Variants in PTPRD observed in about 807,000 individuals in gnomAD.
PTPRD encodes the protein protein tyrosine phosphatase receptor type D.
PTPRD carries 34 observed loss-of-function variants against 214.5 expected under a neutral mutation model. The ratio of observed to expected loss-of-function variants is 0.16; its 90% CI spans 0.12 to 0.21. PTPRD has a LOEUF of 0.21. Ranked by LOEUF, PTPRD falls within the 10% of genes least tolerant of loss-of-function variation. PTPRD has a pLI of 1.00. For synonymous variants in PTPRD, 1,128 were observed against 845.7 expected (o/e 1.33, Z -5.79); for missense variants, 2,545 against 2,398.7 (o/e 1.06, Z -1.27).
chr9:10,224,677 G>C (rs2099582962), intron 3 of PTPRD, among the ~76,000 whole-genome samples: 1 of 151,838 alleles, frequency 6.6e-6, no homozygotes. Context: ...AACATCATGA[G>C]TTTGAAATGC....
chr9:8,807,186 A>C (rs1362968731), intron 11 of PTPRD, among the ~76,000 whole-genome samples: 2 of 152,038 alleles, frequency 1.3e-5, no homozygotes, highest in Non-Finnish European at 2.9e-5. Context: ...AAATACAAAA[A>C]ATTAGCCAGG....
chr9:9,311,634 C>A (rs1959040369), intron 9 of PTPRD, among the ~76,000 whole-genome samples: 2 of 152,070 alleles, frequency 1.3e-5, no homozygotes, highest in South Asian at 4.1e-4. Flanking sequence ...TAAACCTACC[C>A]CATAATTAGC....
At chr9:10,224,965 T>A (rs2099584116) in intron 3 of PTPRD, among the ~76,000 whole-genome samples, 1 of 152,048 alleles carries the variant, frequency 6.6e-6, no homozygotes, top group Admixed American at 6.6e-5. Flanking sequence ...ACTGTTTATG[T>A]TATCAGTAAG....
intron 10 of PTPRD, among the ~76,000 whole-genome samples, chr9:9,171,738 A>G (rs1428199260): frequency 6.6e-6 from 1 of 152,042 alleles, no homozygotes; most frequent in Non-Finnish European, 1.5e-5. Flanking sequence ...ATTATTTTAT[A>G]TATATATGAA....
chr9:10,055,182 G>A (rs530467297), intron 3 of PTPRD, among the ~76,000 whole-genome samples: 14 of 151,868 alleles, frequency 9.2e-5, no homozygotes, highest in Non-Finnish European at 1.2e-4. Context: ...TATTGTTTAC[G>A]CCACCTAGTA....
intron 4 of PTPRD, among the ~76,000 whole-genome samples, chr9:9,950,388 AT>A (rs1349005386): frequency 1.3e-5 from 2 of 152,128 alleles, no homozygotes; most frequent in Non-Finnish European, 2.9e-5. Flanking sequence ...ACTTTTCTTT[AT>A]TTGGACCAAC....
At chr9:8,454,611 CA>C (rs769817040) in intron 33 of PTPRD, 4 of 1,610,464 alleles carry the variant, frequency 2.5e-6, no homozygotes, top group South Asian at 1.1e-5. Flanking sequence ...TTTAATGCAG[CA>C]AAAAAAGGAA....
chr9:9,009,059 A>C (rs2099496143), intron 11 of PTPRD, among the ~76,000 whole-genome samples: 2 of 152,182 alleles, frequency 1.3e-5, no homozygotes, highest in African/African-American at 2.4e-5. Context: ...AACAAAACCC[A>C]TATAATCAGG....
chr9:8,545,005 T>G (rs546812617), intron 14 of PTPRD, among the ~76,000 whole-genome samples: 1 of 151,948 alleles, frequency 6.6e-6, no homozygotes, highest in Admixed American at 6.6e-5. Flanking sequence ...AACAAAACTT[T>G]CTGGGATATT....
chr9:8,500,558 GA>G (rs146807692), intron 24 of PTPRD, among the ~76,000 whole-genome samples, 195 bp downstream of exon 24: 23 of 14,310 alleles, frequency 1.6e-3, no homozygotes, highest in East Asian at 4.6e-3. Flanking sequence ...TGAAAAAAAT[GA>G]AAAAAAAAAA....
intron 3 of PTPRD, among the ~76,000 whole-genome samples, chr9:10,142,146 T>C (rs2098990246): frequency 6.6e-6 from 1 of 151,878 alleles, no homozygotes; most frequent in African/African-American, 2.4e-5. Flanking sequence ...AAGACTTGAA[T>C]GTTAGACCTA....
intron 4 of PTPRD, among the ~76,000 whole-genome samples, chr9:9,981,864 T>G (rs2095554745): frequency 6.6e-6 from 1 of 152,216 alleles, no homozygotes; most frequent in African/African-American, 2.4e-5. Context: ...AATATCTGTC[T>G]CTTTCTTTTA....
rs1010894670 is a variant in PTPRD, at chr9:10,486,887, T to G, written c.-600+125511A>C. ...TTTTCTTTCTAGAAGATCTGTCCCA[T>G]GTTGAATATGTGGTGTTGAAATCTC... On this transcript the variant is annotated intron_variant, in intron 2 of 45. Transcript: ENST00000381196. Among the ~76,000 whole-genome samples, 21 of 152,326 alleles carry G rather than the reference T, an allele frequency of 1.4e-4. No individual in the cohort carries two copies. In the South Asian group the frequency reaches 3.9e-3, roughly 29 times the overall value.
intron 8 of PTPRD, among the ~76,000 whole-genome samples, chr9:9,451,012 C>A (rs1321643417): frequency 1.4e-5 from 2 of 144,634 alleles, no homozygotes; most frequent in Non-Finnish European, 3.0e-5. Context: ...TAACTGTATC[C>A]TTTAAAATAC....
chr9:10,165,784 C>T (rs543644883), intron 3 of PTPRD, among the ~76,000 whole-genome samples: 135 of 150,726 alleles, frequency 9.0e-4, no homozygotes, highest in African/African-American at 3.1e-3. Flanking sequence ...TAAAAAAAAC[C>T]ATACTGTAAA....
intron 27 of PTPRD, among the ~76,000 whole-genome samples, chr9:8,486,648 G>T (rs2136000458): frequency 1.3e-5 from 2 of 152,220 alleles, no homozygotes; most frequent in South Asian, 4.1e-4. Flanking sequence ...ACACATAAAG[G>T]TTCATATCAA....
At chr9:9,465,094 C>T (rs2094023103) in intron 8 of PTPRD, among the ~76,000 whole-genome samples, 1 of 152,192 alleles carries the variant, frequency 6.6e-6, no homozygotes, top group African/African-American at 2.4e-5. Flanking sequence ...TGGCTAAGCT[C>T]TGGTTCTTGT....
At chr9:9,562,589 T>C (rs1357887905) in intron 8 of PTPRD, among the ~76,000 whole-genome samples, 3 of 152,158 alleles carry the variant, frequency 2.0e-5, no homozygotes, top group Non-Finnish European at 2.9e-5. Flanking sequence ...TCTGCTCCTA[T>C]TGCACTGTCC....
intron 12 of PTPRD, among the ~76,000 whole-genome samples, chr9:8,652,906 C>T (rs75956127): frequency 0.023 from 3,559 of 152,244 alleles, 126 homozygotes; most frequent in African/African-American, 0.081. Flanking sequence ...TGAGATAAGC[C>T]TTTATTCCAT....
Sources: gnomAD v4.1 joint callset for allele counts (sites outside exome capture counted in the v4.1 genomes callset) on GRCh38, gnomAD v4.1.1 for gene constraint, MANE v1.5 for transcripts, NCBI Gene and HGNC (gene_info 2026-07-23, HGNC 2026-07-21) for gene names.